Variants in PIEZO2 observed in about 807,000 individuals in gnomAD.
The protein encoded by PIEZO2 is piezo type mechanosensitive ion channel component 2.
A neutral mutation model predicts 337.3 loss-of-function variants in PIEZO2; 172 were observed. The ratio of observed to expected loss-of-function variants is 0.51; its 90% CI spans 0.45 to 0.58. The LOEUF is 0.58. Ranked by LOEUF, PIEZO2 falls within the 20% of genes least tolerant of loss-of-function variation. The pLI is 0.00. For synonymous variants in PIEZO2, 1,251 were observed against 1,228.5 expected, an observed-to-expected ratio of 1.02 and a Z score of -0.38; for missense variants, 3,028 against 3,391.3, an observed-to-expected ratio of 0.89 and a Z score of 2.66.
At chr18:11,124,849 C>G (rs2040137004) in intron 1 of PIEZO2, among the ~76,000 whole-genome samples, 1 of 152,170 alleles carries the variant, frequency 6.6e-6, no homozygotes, top group Non-Finnish European at 1.5e-5. Flanking sequence ...GTCAGATTTT[C>G]ACCTTAGATC....
At position 10,677,140 on chromosome 18, in the gene PIEZO2, C is replaced by T. The variant is rs574481078; in HGVS notation, c.8081+607G>A. ...ATGTCTGTCTCAATGGAAGCCCCAG[C>T]GGGCCAGCACTTTCCATGCACTGAT... On this transcript the variant is annotated intron_variant, in intron 53 of 55. Coordinates refer to ENST00000674853, the MANE Select transcript of PIEZO2 (RefSeq NM_001378183.1). The surrounding 1 kb of genome is among the most constrained non-coding windows in gnomAD (Gnocchi z 4.1). 2.1e-4 allele frequency among the ~76,000 whole-genome samples: 32 copies of T among 152,342 alleles called. No individual in the cohort carries two copies. The highest frequency in any genetic ancestry group is 5.1e-4 in the African/African-American group (21 of 41,580).
chr18:10,770,095 G>T (rs2038535571), intron 21 of PIEZO2, 53 bp downstream of exon 21: 1 of 1,501,248 alleles, frequency 6.7e-7, no homozygotes, highest in Admixed American at 2.2e-5. Flanking sequence ...AAAGGAAAAT[G>T]ATGACCTACT....
chr18:10,890,512 T>C (rs1296075502), intron 4 of PIEZO2: 1 of 152,190 alleles, frequency 6.6e-6, no homozygotes, highest in Non-Finnish European at 1.5e-5. Context: ...CTCAGGAAAC[T>C]TAAAATCATG....
chr18:10,697,708 T>C, intron 45 of PIEZO2, 40 bp downstream of exon 45: 1 of 1,601,892 alleles, frequency 6.2e-7, no homozygotes, highest in Non-Finnish European at 8.5e-7. Context: ...CCCAAAACCC[T>C]ACAATAAAGC....
chr18:10,855,532 A>G lies in PIEZO2; in HGVS notation c.738T>C (p.Tyr246=). The G allele has an allele frequency of 2.0e-6, 3 of 1,537,038 alleles. No individual in the cohort carries two copies. Among genetic ancestry groups the G allele is most frequent in the Admixed American group, 2.0e-5 (1 of 50,990 alleles). The stretch of plus-strand genomic sequence containing the variant: ...TGCACAGACCCAAAAATACAAAAAA[A>G]TACACAGATGATGTCAAAGACGGCA... ...MMLPSLTSSV[Y]FFVFLGLCTW... is the part of the protein sequence containing the mutation. Residue 246 remains tyrosine (Y), a synonymous_variant, in exon 7 of 56, where the codon TAT becomes TAC. Coordinates refer to ENST00000674853, the MANE Select transcript of PIEZO2 (RefSeq NM_001378183.1). The surrounding 1 kb of genome is among the most constrained non-coding windows in gnomAD (Gnocchi z 4.9).
chr18:10,977,409 C>T (rs1047253708), intron 3 of PIEZO2, among the ~76,000 whole-genome samples: 5 of 151,822 alleles, frequency 3.3e-5, no homozygotes, highest in African/African-American at 1.2e-4. Context: ...TTGAAAAAGC[C>T]TTTTATCTGG....
In PIEZO2 at chr18:10,850,614, C is replaced by T. The variant is rs1233552283; in HGVS notation, c.917+4739G>A. Reference sequence around the variant, plus strand: ...GGTTGACTAAATTCTAATATAGCTACACAATCACTTTGCACTCTATGAAAA... The same window carrying T: ...GGTTGACTAAATTCTAATATAGCTATACAATCACTTTGCACTCTATGAAAA... On this transcript the variant is annotated intron_variant, in intron 7 of 55. Coordinates refer to ENST00000674853, the MANE Select transcript of PIEZO2 (RefSeq NM_001378183.1). This position sits in a 1 kb window ranked among gnomAD's most constrained non-coding sequence, Gnocchi z 4.5. Among the ~76,000 whole-genome samples, 1 of 152,188 alleles carries T rather than the reference C, an allele frequency of 6.6e-6. No individual in the cohort carries two copies. Among genetic ancestry groups the T allele is most frequent in the Non-Finnish European group, 1.5e-5 (1 of 68,040 alleles).
intron 2 of PIEZO2, among the ~76,000 whole-genome samples, chr18:11,011,868 T>C (rs2660272): frequency 0.54 from 81,776 of 152,110 alleles, 22,262 homozygotes; most frequent in African/African-American, 0.6. Context: ...CAAATTCCAG[T>C]ACTTTGGGAG....
Position 10,736,623 on chromosome 18 carries a change from G to A in PIEZO2, c.4796C>T (p.Pro1599Leu). Residue 1599 changes from proline (P) to leucine (L), a missense_variant, in exon 34 of 56, where the codon CCA becomes CTA. Pro to Leu is a moderately conservative substitution (Grantham distance 98). Transcript: ENST00000674853. The part of the protein sequence containing the change: ...EELKKEDEEP[P>L]RRSAFQRAIG... The stretch of plus-strand genomic sequence containing the variant: ...AATTACCTGGAATGCTGACCTTCGT[G>A]GAGGTTCTTCATCTTCCTTCTTTAA... 1 of 1,537,136 alleles carries A rather than the reference G, an allele frequency of 6.5e-7. No individual in the cohort carries two copies. Among genetic ancestry groups the A allele is most frequent in the Non-Finnish European group, 8.7e-7 (1 of 1,146,858 alleles).
intron 20 of PIEZO2, among the ~76,000 whole-genome samples, chr18:10,770,816 C>T (rs1405742325): frequency 6.8e-6 from 1 of 148,128 alleles, no homozygotes; most frequent in East Asian, 2.0e-4. Context: ...AATCTCGGCT[C>T]ACTGCAACCT....
chr18:10,967,702 G>C (rs2034069484), intron 3 of PIEZO2, among the ~76,000 whole-genome samples: 1 of 152,128 alleles, frequency 6.6e-6, no homozygotes, highest in Non-Finnish European at 1.5e-5. Context: ...GCCATGTTGA[G>C]CGTTTTTTCA....
rs189930208 is a variant in PIEZO2, at chr18:10,953,694, T to C, written c.286+25841A>G. 6.6e-6 allele frequency among the ~76,000 whole-genome samples: 1 copy of C among 152,234 alleles called. No homozygotes were observed. Among genetic ancestry groups the C allele is most frequent in the East Asian group, 1.9e-4 (1 of 5,176 alleles). On this transcript the variant is annotated intron_variant, in intron 3 of 55. Transcript: ENST00000674853. This position sits in a 1 kb window ranked among gnomAD's most constrained non-coding sequence, Gnocchi z 5.2. ...CACTGCCCTAAACAGAATGAGATGG[T>C]TGAACACATCGCAACACTGGGCAGA...
chr18:10,738,066 T>C (rs2037079149), intron 33 of PIEZO2: 1 of 152,206 alleles, frequency 6.6e-6, no homozygotes, highest in South Asian at 2.1e-4. Flanking sequence ...GTTATTTTCA[T>C]TTTGAAGAAA....
rs769700383 is a variant in PIEZO2 at position 10,846,677 on chromosome 18, T to A, written c.917+8676A>T. ...ATGCAGCTGGTGTTATAAAGCAAGT[T>A]TGCACAGAATAATTGCCTACAAGAT... is the stretch of plus-strand genomic sequence containing the variant. On this transcript the variant is annotated intron_variant, in intron 7 of 55. Coordinates refer to ENST00000674853, the MANE Select transcript of PIEZO2 (RefSeq NM_001378183.1). This position sits in a 1 kb window ranked among gnomAD's most constrained non-coding sequence, Gnocchi z 4.1. Among the ~76,000 whole-genome samples the A allele has an allele frequency of 9.9e-5, 15 of 152,098 alleles. No individual in the cohort carries two copies. Among genetic ancestry groups the A allele is most frequent in the Non-Finnish European group, 2.1e-4 (14 of 68,040 alleles).
chr18:10,965,515 A>G (rs2145406204), intron 3 of PIEZO2, among the ~76,000 whole-genome samples: 1 of 152,302 alleles, frequency 6.6e-6, no homozygotes, highest in South Asian at 2.1e-4. Flanking sequence ...GTGCTCTTTT[A>G]AAAAACATCT....
rs7407224 is a variant in PIEZO2, at chr18:10,797,364, T to G, written c.1527+10A>C. Reference sequence around the variant, plus strand: ...ATATCATATTATACCTATCATCATATCATACATACCATCATAGCTATGAGG... The same window carrying G: ...ATATCATATTATACCTATCATCATAGCATACATACCATCATAGCTATGAGG... On this transcript the variant is annotated intron_variant, in intron 12 of 55. Transcript: ENST00000674853. The G allele has an allele frequency of 0.26, 397,263 of 1,515,324 alleles. 53,764 individuals carry two copies. Among genetic ancestry groups the G allele is most frequent in the East Asian group, 0.39 (16,057 of 40,774 alleles). The allele number at this position is 1,515,324 out of a possible 1,614,324, so 93.9% of individuals were successfully genotyped here.
In PIEZO2 at chr18:10,702,066, C is replaced by T; in HGVS notation, c.6364G>A (p.Val2122Met). 2 of 1,536,992 alleles carry T rather than the reference C, an allele frequency of 1.3e-6. No individual in the cohort carries two copies. Among genetic ancestry groups the T allele is most frequent in the Non-Finnish European group, 1.7e-6 (2 of 1,146,802 alleles). The change falls in exon 43 of 56, where the codon GTG becomes ATG. Residue 2122 changes from valine (V) to methionine (M), a missense_variant. Transcript: ENST00000674853. Reference protein sequence around the residue: ...KPYHPPNIIGVEKKEGYVLYD... With the variant: ...KPYHPPNIIGMEKKEGYVLYD... The stretch of plus-strand genomic sequence containing the variant: ...AGAACATAACCTTCCTTCTTTTCCA[C>T]TCCTATGATGTTTGGGGGGTGATAC...
At position 10,878,997 on chromosome 18, in the gene PIEZO2, C is replaced by A. The variant is rs1160291966; in HGVS notation, c.330-7582G>T. ...GCCACATGGAGTTTGTGCCTGGGAG[C>A]AAAGTCATGGCTGATGAGGTAGGTT... On this transcript the variant is annotated intron_variant, in intron 4 of 55. Transcript: ENST00000674853. This position sits in a 1 kb window ranked among gnomAD's most constrained non-coding sequence, Gnocchi z 4.3. Among the ~76,000 whole-genome samples, 1 of 152,100 alleles carries A rather than the reference C, an allele frequency of 6.6e-6. No individual in the cohort carries two copies. Among genetic ancestry groups the A allele is most frequent in the Non-Finnish European group, 1.5e-5 (1 of 68,024 alleles).
Position 11,009,600 on chromosome 18 carries a change from AC to A in PIEZO2, c.161-29941del, listed in dbSNP as rs1289170640. 6.6e-6 allele frequency among the ~76,000 whole-genome samples: 1 copy of A among 152,214 alleles called. No individual in the cohort carries two copies. Among genetic ancestry groups the A allele is most frequent in the African/African-American group, 2.4e-5 (1 of 41,458 alleles). On this transcript the variant is annotated intron_variant, in intron 2 of 55. Coordinates refer to ENST00000674853, the MANE Select transcript of PIEZO2 (RefSeq NM_001378183.1). This position sits in a 1 kb window ranked among gnomAD's most constrained non-coding sequence, Gnocchi z 4.6. ...GATCATTACACTTCTTTGGTATCATACGAAGTAATAATATATGTGGGCACTA... is the reference window on the plus strand; with the variant it reads ...GATCATTACACTTCTTTGGTATCATAGAAGTAATAATATATGTGGGCACTA...
Sources: allele counts gnomAD v4.1 joint callset (sites outside exome capture counted in the v4.1 genomes callset), GRCh38; gene constraint gnomAD v4.1.1; non-coding constraint Gnocchi (gnomAD v3.1); transcripts MANE v1.5; gene names NCBI Gene and HGNC (gene_info 2026-07-23, HGNC 2026-07-21).